SLC39A8: variants seen among roughly 807,000 people sequenced by gnomAD.
SLC39A8 encodes solute carrier family 39 member 8.
A neutral mutation model predicts 40.4 loss-of-function variants in SLC39A8; 15 were observed. That is an observed-to-expected ratio of 0.37 (90% confidence interval 0.25 to 0.57). The LOEUF is 0.57. SLC39A8 is among the 20% of genes least tolerant of loss of function. The pLI is 0.75. For synonymous variants in SLC39A8, 223 were observed against 221.6 expected, an observed-to-expected ratio of 1.01 and a Z score of -0.06; for missense variants, 472 against 558.8, an observed-to-expected ratio of 0.84 and a Z score of 1.57.
chr4:102,319,396 G>A (rs1734805011), intron 2 of SLC39A8, among the ~76,000 whole-genome samples: 1 of 152,158 alleles, frequency 6.6e-6, no homozygotes, highest in Admixed American at 6.5e-5. Flanking sequence ...CTAAACTGCA[G>A]TCAGGCTCCT....
chr4:102,279,758 A>G (rs1020117721), intron 6 of SLC39A8, among the ~76,000 whole-genome samples: 3 of 152,148 alleles, frequency 2.0e-5, no homozygotes, highest in Non-Finnish European at 2.9e-5. Flanking sequence ...CTGGGGACCA[A>G]TATTTTAGTC....
At chr4:102,343,986 C>G (rs1437964529) in intron 2 of SLC39A8, among the ~76,000 whole-genome samples, 1 of 152,094 alleles carries the variant, frequency 6.6e-6, no homozygotes, top group African/African-American at 2.4e-5. Flanking sequence ...CATTATATCT[C>G]GTTTTCAAAT....
Position 102,344,475 on chromosome 4 carries a change from A to T in SLC39A8, c.188T>A (p.Val63Asp), listed in dbSNP as rs1275963437. Residue 63 changes from valine (V) to aspartate (D), a missense_variant, in exon 2 of 9, where the codon GTC becomes GAC. This residue lies in a region of SLC39A8 where 175 missense variants were observed against 160.5 expected (regional missense o/e 1.09). Transcript: ENST00000356736. ...EQMGAASRVG[V>D]PEPGQLHFNQ... ...GAAGTGCAGCTGGCCAGGCTCCGGG[A>T]CGCCCACGCGGGAGGCGGCTCCCAT... 6.5e-7 allele frequency: 1 copy of T among 1,547,172 alleles called. No homozygotes were observed. The highest frequency in any genetic ancestry group is 1.4e-5 in the African/African-American group (1 of 72,344).
downstream of SLC39A8, chr4:102,259,589 T>C: frequency 8.5e-7 from 1 of 1,170,554 alleles, no homozygotes; most frequent in East Asian, 2.6e-5. Flanking sequence ...GCTCAAACTG[T>C]AAATCTAGCC....
intron 8 of SLC39A8, among the ~76,000 whole-genome samples, chr4:102,265,269 T>C (rs1425799530): frequency 6.6e-6 from 1 of 152,086 alleles, no homozygotes; most frequent in East Asian, 1.9e-4. Flanking sequence ...CATTGTTGGG[T>C]GTCAAGGAAT....
chr4:102,314,109 C>G (rs968920556), intron 3 of SLC39A8, among the ~76,000 whole-genome samples: 1 of 152,046 alleles, frequency 6.6e-6, no homozygotes, highest in Non-Finnish European at 1.5e-5. Flanking sequence ...TTCTCCATCC[C>G]GGGAAATGGT....
At chr4:102,268,614 A>G (rs374162637) in intron 6 of SLC39A8, among the ~76,000 whole-genome samples, 316 of 152,334 alleles carry the variant, frequency 2.1e-3, no homozygotes, top group Non-Finnish European at 3.5e-3. Flanking sequence ...TAAATGATTC[A>G]TTTATTTATC....
chr4:102,291,228 A>G (rs952955423), intron 6 of SLC39A8, among the ~76,000 whole-genome samples: 2 of 152,006 alleles, frequency 1.3e-5, no homozygotes, highest in Non-Finnish European at 2.9e-5. Flanking sequence ...CAGCAAAATA[A>G]TGTTCCCCAG....
In SLC39A8 at chr4:102,276,392, A is replaced by G. The variant is rs558597031; in HGVS notation, c.841-8313T>C. 5.9e-5 allele frequency among the ~76,000 whole-genome samples: 9 copies of G among 152,354 alleles called. 1 individual carries two copies. In the South Asian group the frequency reaches 1.2e-3, roughly 21 times the overall value. On this transcript the variant is annotated intron_variant, in intron 6 of 8. Coordinates refer to ENST00000356736, the MANE Select transcript of SLC39A8 (RefSeq NM_001135146.2). Reference sequence around the variant, plus strand: ...AAATAAACTAGAAAATCTACAAGAAATGGATAAATTCCTGGACACATACAG... The same window carrying G: ...AAATAAACTAGAAAATCTACAAGAAGTGGATAAATTCCTGGACACATACAG...
intron 6 of SLC39A8, among the ~76,000 whole-genome samples, chr4:102,276,074 A>C (rs536390947): frequency 8.7e-4 from 132 of 152,324 alleles, no homozygotes; most frequent in African/African-American, 3.1e-3. Flanking sequence ...CAATTAAAAG[A>C]ACTAGAGAAG....
chr4:102,260,489 T>C (rs1731821904), downstream of SLC39A8, among the ~76,000 whole-genome samples: 2 of 152,164 alleles, frequency 1.3e-5, no homozygotes, highest in South Asian at 2.1e-4. Flanking sequence ...CATTCCTCCT[T>C]CTATGTAGAA....
intron 6 of SLC39A8, among the ~76,000 whole-genome samples, chr4:102,292,761 A>G (rs1031368594): frequency 2.0e-5 from 3 of 152,014 alleles, no homozygotes; most frequent in Non-Finnish European, 1.5e-5. Flanking sequence ...CTCACTTCTC[A>G]GGAGCATGAT....
In SLC39A8 at chr4:102,262,189, T is replaced by C; in HGVS notation, c.*855A>G. The C allele has an allele frequency of 1.0e-6, 1 of 985,968 alleles. No homozygotes were observed. Among genetic ancestry groups the C allele is most frequent in the Middle Eastern group, 5.2e-4 (1 of 1,914 alleles). The allele number at this position is 985,968 out of a possible 1,614,324, so 61.1% of individuals were successfully genotyped here. A position where few individuals can be genotyped will look rare whatever the true frequency, so the allele number is the denominator to read the frequency against. On this transcript the variant is annotated 3_prime_UTR_variant, in exon 9 of 9. Coordinates refer to ENST00000356736, the MANE Select transcript of SLC39A8 (RefSeq NM_001135146.2). ...TGTTTGTCTTTAAAAGTAAATTGCA[T>C]AAAATTACATCCAATTTCTTTCTCT...
chr4:102,257,797 C>A (rs1032291092), downstream of SLC39A8, among the ~76,000 whole-genome samples: 10 of 152,210 alleles, frequency 6.6e-5, no homozygotes, highest in African/African-American at 2.4e-4. Flanking sequence ...ACACTGAACT[C>A]CAAATTCACT....
intron 6 of SLC39A8, among the ~76,000 whole-genome samples, chr4:102,288,646 T>G (rs1226148139): frequency 6.6e-6 from 1 of 152,130 alleles, no homozygotes; most frequent in Non-Finnish European, 1.5e-5. Context: ...AAAGTGCTAC[T>G]CCAATGAACA....
chr4:102,299,224 C>T (rs1733805684), intron 6 of SLC39A8, among the ~76,000 whole-genome samples: 1 of 151,846 alleles, frequency 6.6e-6, no homozygotes, highest in Non-Finnish European at 1.5e-5. Context: ...AACACACCAC[C>T]CAAAAGACTG....
At chr4:102,303,081 T>A (rs775757942) in intron 6 of SLC39A8, among the ~76,000 whole-genome samples, 2 of 151,994 alleles carry the variant, frequency 1.3e-5, no homozygotes, top group Non-Finnish European at 2.9e-5. Flanking sequence ...CAGATTGCTC[T>A]ATTTTTTTTG....
At chr4:102,273,373 C>T (rs113608468) in intron 6 of SLC39A8, among the ~76,000 whole-genome samples, 1,727 of 152,330 alleles carry the variant, frequency 0.011, 31 homozygotes, top group African/African-American at 0.039. Flanking sequence ...GGCAAAGCCA[C>T]TGTAGCCAGA....
intron 6 of SLC39A8, among the ~76,000 whole-genome samples, chr4:102,296,256 A>G (rs1457665923): frequency 6.6e-6 from 1 of 152,106 alleles, no homozygotes; most frequent in Non-Finnish European, 1.5e-5. Flanking sequence ...TTACCTTCTC[A>G]TTTTGTTACC....
Sources: allele counts gnomAD v4.1 joint callset (sites outside exome capture counted in the v4.1 genomes callset), GRCh38; gene constraint gnomAD v4.1.1; regional missense constraint gnomAD v4.1.1; transcripts MANE v1.5; gene names NCBI Gene and HGNC (gene_info 2026-07-23, HGNC 2026-07-21).